RPS6KC1: variants seen among roughly 807,000 people sequenced by gnomAD.
The protein encoded by RPS6KC1 is inactive ribosomal protein S6 kinase delta-1.
RPS6KC1 carries 54 observed loss-of-function variants against 103.8 expected under a neutral mutation model. The ratio of observed to expected loss-of-function variants is 0.52; its 90% CI spans 0.42 to 0.65. The LOEUF (loss-of-function observed/expected upper bound fraction) is 0.65. Among genes scored for constraint, RPS6KC1 ranks in the 30% least tolerant of loss-of-function variants. The pLI is 0.00. For synonymous variants in RPS6KC1, 439 were observed against 438.7 expected (o/e 1.00, Z -0.01); for missense variants, 1,151 against 1,253.8 (o/e 0.92, Z 1.24).
At chr1:213,704,472 CTT>C in the RPS6KC1 span, among the ~76,000 whole-genome samples, 54 of 147,036 alleles carry the variant, frequency 3.7e-4, no homozygotes, top group African/African-American at 1.3e-3. Context: ...TCTGTTTGGT[CTT>C]TTAAAGTATT....
At position 213,051,424 on chromosome 1, in the gene RPS6KC1, G is replaced by T. The variant is rs1357449306; in HGVS notation, c.20G>T (p.Arg7Leu). 1.2e-6 allele frequency: 2 copies of T among 1,613,180 alleles called. No individual in the cohort carries two copies. Among genetic ancestry groups the T allele is most frequent in the Admixed American group, 3.3e-5 (2 of 59,996 alleles). MTSYRE[R>L]SADLARFYTV... ...GGGAGGATGACCTCTTACCGGGAGCGGAGTGCCGACCTGGCCCGTTTCTAC... is the reference window on the plus strand; with the variant it reads ...GGGAGGATGACCTCTTACCGGGAGCTGAGTGCCGACCTGGCCCGTTTCTAC... The change falls in exon 1 of 15, where the codon CGG becomes CTG. Residue 7 changes from arginine (R) to leucine (L), a missense_variant. Arg to Leu is a moderately radical substitution (Grantham distance 102, BLOSUM62 -2). Around this residue, in one of 3 missense-constraint regions of RPS6KC1, gnomAD observed 959 missense variants for 1,006.3 expected, o/e 0.95. Transcript: ENST00000366960.
At chr1:213,763,027 T>G in the RPS6KC1 span, among the ~76,000 whole-genome samples, 1 of 151,956 alleles carries the variant, frequency 6.6e-6, no homozygotes, top group Non-Finnish European at 1.5e-5. Flanking sequence ...CCCGGCTAAT[T>G]TTTGTATTTT....
chr1:213,224,957 G>A (rs562088627), intron 8 of RPS6KC1, among the ~76,000 whole-genome samples: 2 of 152,260 alleles, frequency 1.3e-5, no homozygotes, highest in African/African-American at 4.8e-5. Context: ...TTCTCTTTGT[G>A]TACAGCTGTA....
At chr1:213,064,809 C>G (rs997646209) in intron 1 of RPS6KC1, among the ~76,000 whole-genome samples, 1 of 148,656 alleles carries the variant, frequency 6.7e-6, no homozygotes, top group African/African-American at 2.5e-5. Context: ...TCCCGAGTAA[C>G]TGGGACTACA....
chr1:213,780,706 G>A, the RPS6KC1 span, among the ~76,000 whole-genome samples: 1 of 152,166 alleles, frequency 6.6e-6, no homozygotes, highest in Non-Finnish European at 1.5e-5. Flanking sequence ...TTCGGGGAGG[G>A]ATGAGGTTCA....
the RPS6KC1 span, among the ~76,000 whole-genome samples, chr1:213,341,147 A>G: frequency 6.6e-6 from 1 of 152,218 alleles, no homozygotes; most frequent in East Asian, 1.9e-4. Flanking sequence ...GCTCCTGCTC[A>G]TAGACCTCTA....
chr1:213,456,626 C>T, the RPS6KC1 span, among the ~76,000 whole-genome samples: 28 of 152,202 alleles, frequency 1.8e-4, no homozygotes, highest in East Asian at 2.5e-3. Context: ...TAATTTATAC[C>T]CTTTCATGAT....
chr1:213,693,268 A>G, the RPS6KC1 span, among the ~76,000 whole-genome samples: 1 of 151,582 alleles, frequency 6.6e-6, no homozygotes, highest in Non-Finnish European at 1.5e-5. Context: ...TTTCTGACTG[A>G]CTCATATTCA....
chr1:213,860,821 T>C, the RPS6KC1 span, among the ~76,000 whole-genome samples: 1 of 151,864 alleles, frequency 6.6e-6, no homozygotes, highest in Non-Finnish European at 1.5e-5. Flanking sequence ...TTTCTTTTTT[T>C]TTTTTGACAC....
the RPS6KC1 span, among the ~76,000 whole-genome samples, chr1:213,596,364 G>C: frequency 3.3e-5 from 5 of 152,168 alleles, no homozygotes; most frequent in Admixed American, 3.3e-4. Context: ...TCCAGTAAAA[G>C]GTGGTTGTCC....
the RPS6KC1 span, among the ~76,000 whole-genome samples, chr1:213,630,454 A>G: frequency 9.9e-5 from 15 of 151,964 alleles, no homozygotes; most frequent in African/African-American, 2.7e-4. Flanking sequence ...ACTTCTCTGC[A>G]TTGGTTATTC....
chr1:213,817,958 A>G, the RPS6KC1 span: 22 of 152,280 alleles, frequency 1.4e-4, no homozygotes, highest in African/African-American at 5.3e-4. Flanking sequence ...TGATTACTGT[A>G]TCTGTTATGG....
the RPS6KC1 span, among the ~76,000 whole-genome samples, chr1:213,326,973 A>G: frequency 1.3e-5 from 2 of 150,382 alleles, no homozygotes; most frequent in African/African-American, 2.4e-5. Context: ...TAACACAAAT[A>G]TGCATTCAGA....
intron 12 of RPS6KC1, among the ~76,000 whole-genome samples, chr1:213,255,422 T>C (rs2094619675): frequency 6.6e-6 from 1 of 152,188 alleles, no homozygotes; most frequent in African/African-American, 2.4e-5. Context: ...TCAAATTCAC[T>C]GTGTTAGTCT....
chr1:213,483,322 G>A, the RPS6KC1 span, among the ~76,000 whole-genome samples: 1 of 152,198 alleles, frequency 6.6e-6, no homozygotes, highest in South Asian at 2.1e-4. Context: ...AATTTGAGAT[G>A]AGATTTGGGT....
At chr1:213,655,531 G>T in the RPS6KC1 span, among the ~76,000 whole-genome samples, 1 of 152,070 alleles carries the variant, frequency 6.6e-6, no homozygotes, top group Non-Finnish European at 1.5e-5. Context: ...TCTAAAACAC[G>T]CTAGATTTTG....
chr1:213,632,373 G>T, the RPS6KC1 span, among the ~76,000 whole-genome samples: 1 of 151,962 alleles, frequency 6.6e-6, no homozygotes, highest in Non-Finnish European at 1.5e-5. Flanking sequence ...ATTTCCAACT[G>T]AGCCTCCACT....
chr1:213,595,178 G>A, the RPS6KC1 span, among the ~76,000 whole-genome samples: 67 of 152,200 alleles, frequency 4.4e-4, no homozygotes, highest in African/African-American at 1.6e-3. Flanking sequence ...GACTTTCAAG[G>A]TAAACGCCAC....
At chr1:213,850,722 T>C in the RPS6KC1 span, among the ~76,000 whole-genome samples, 1 of 152,104 alleles carries the variant, frequency 6.6e-6, no homozygotes, top group Non-Finnish European at 1.5e-5. Flanking sequence ...TCCATGCTAG[T>C]TGTTTCTCTC....
Sources: allele counts gnomAD v4.1 joint callset (sites outside exome capture counted in the v4.1 genomes callset), GRCh38; gene constraint gnomAD v4.1.1; regional missense constraint gnomAD v4.1.1; transcripts MANE v1.5; gene names NCBI Gene and HGNC (gene_info 2026-07-23, HGNC 2026-07-21).